Variants in DYNLT2 observed in about 807,000 individuals in gnomAD.
DYNLT2 encodes the protein dynein light chain Tctex-type protein 2.
A neutral mutation model predicts 24.3 loss-of-function variants in DYNLT2; 24 were observed. The observed-to-expected ratio is 0.99, with a 90% confidence interval of 0.71 to 1.39. The LOEUF (loss-of-function observed/expected upper bound fraction) is 1.39. Ranked by LOEUF, DYNLT2 falls within the 40% of genes most tolerant of loss-of-function variation. The pLI is 0.00. For missense variants in DYNLT2, 246 were observed against 234.5 expected (o/e 1.05, Z -0.32); for synonymous variants, 85 against 85.4 (o/e 1.00, Z 0.03).
chr6:169,743,245 G>A lies in DYNLT2; in HGVS notation c.328-7C>T. 1 of 1,423,484 alleles carries A rather than the reference G, an allele frequency of 7.0e-7. No homozygotes were observed. Among genetic ancestry groups the A allele is most frequent in the South Asian group, 1.7e-5 (1 of 58,188 alleles). 88.2% of individuals were successfully genotyped at this position (1,423,484 alleles called of 1,614,324 possible). Reference sequence around the variant, plus strand: ...TGACATCTTTAAGACTTTCCTTTAAGAAAATTTAAGAAAAATACTTTTATT... The same window carrying A: ...TGACATCTTTAAGACTTTCCTTTAAAAAAATTTAAGAAAAATACTTTTATT... On this transcript the variant is annotated splice_region_variant and splice_polypyrimidine_tract_variant and intron_variant, in intron 2 of 3. Transcript: ENST00000366774.
the DYNLT2 span, among the ~76,000 whole-genome samples, chr6:169,729,157 T>A: frequency 2.0e-5 from 3 of 152,210 alleles, no homozygotes; most frequent in Non-Finnish European, 4.4e-5. Context: ...CAGTCTTCAG[T>A]CAAAAGCAGG....
At chr6:169,744,830 T>G (rs1003911250) in intron 1 of DYNLT2, among the ~76,000 whole-genome samples, 1 of 152,236 alleles carries the variant, frequency 6.6e-6, no homozygotes. Context: ...ACATCCATTC[T>G]GTGACATCCA....
the DYNLT2 span, among the ~76,000 whole-genome samples, chr6:169,730,705 T>C: frequency 6.6e-6 from 1 of 152,164 alleles, no homozygotes; most frequent in Non-Finnish European, 1.5e-5. Flanking sequence ...GAGACCATCC[T>C]GGCTAACACA....
At chr6:169,736,439 C>A (rs1789564329), downstream of DYNLT2, among the ~76,000 whole-genome samples, 1 of 152,144 alleles carries the variant, frequency 6.6e-6, no homozygotes, top group African/African-American at 2.4e-5. Context: ...TGTGTTTTTG[C>A]AGTGGCTGCT....
intron 1 of DYNLT2, among the ~76,000 whole-genome samples, chr6:169,745,101 G>GT (rs939039835): frequency 4.5e-3 from 658 of 145,244 alleles, no homozygotes; most frequent in African/African-American, 5.6e-3. Flanking sequence ...TTTTTTGTTT[G>GT]TTTTTTTTTT....
chr6:169,746,710 C>T (rs1053455007), intron 1 of DYNLT2, among the ~76,000 whole-genome samples: 5 of 152,038 alleles, frequency 3.3e-5, no homozygotes, highest in Non-Finnish European at 7.4e-5. Flanking sequence ...GATAGCCAGA[C>T]ATGATTCACC....
downstream of DYNLT2, among the ~76,000 whole-genome samples, chr6:169,738,492 G>A (rs1467013959): frequency 2.6e-5 from 4 of 152,174 alleles, no homozygotes. Flanking sequence ...CCCTGGCTGG[G>A]TAGCACTCTT....
chr6:169,747,807 C>T (rs573161151), intron 1 of DYNLT2, among the ~76,000 whole-genome samples: 11 of 152,186 alleles, frequency 7.2e-5, no homozygotes, highest in African/African-American at 2.4e-4. Context: ...ACTTTATTTT[C>T]GTGCTTTTCT....
At chr6:169,747,709 TA>T (rs1789840168) in intron 1 of DYNLT2, among the ~76,000 whole-genome samples, 1 of 152,184 alleles carries the variant, frequency 6.6e-6, no homozygotes, top group South Asian at 2.1e-4. Flanking sequence ...CGAAAACTAA[TA>T]ACTCTCTTAA....
chr6:169,732,383 C>T, the DYNLT2 span, among the ~76,000 whole-genome samples: 1 of 152,116 alleles, frequency 6.6e-6, no homozygotes, highest in African/African-American at 2.4e-5. Context: ...CATAGGTATA[C>T]ATGTGCCGTG....
intron 3 of DYNLT2, among the ~76,000 whole-genome samples, chr6:169,742,007 C>A (rs1039214201): frequency 6.6e-6 from 1 of 152,124 alleles, no homozygotes; most frequent in African/African-American, 2.4e-5. Context: ...ATCATGCAGT[C>A]CACTCCTCTA....
At position 169,744,289 on chromosome 6, in the gene DYNLT2, G is replaced by C; in HGVS notation, c.121-15C>G. ...ATCTGTGTATACTGGAGGAGAAAGA[G>C]AGAGGGGAAGAGAGAAAGGCAGAAA... is the stretch of plus-strand genomic sequence containing the variant. On this transcript the variant is annotated splice_polypyrimidine_tract_variant and intron_variant, in intron 1 of 3. Transcript: ENST00000366774. 6.3e-7 allele frequency: 1 copy of C among 1,599,216 alleles called. No homozygotes were observed.
the DYNLT2 span, among the ~76,000 whole-genome samples, chr6:169,732,643 C>T: frequency 8.5e-5 from 13 of 152,272 alleles, no homozygotes; most frequent in South Asian, 8.3e-4. Context: ...CATAGTATAC[C>T]ATGGTGTATA....
chr6:169,739,718 A>T (rs1469159244), downstream of DYNLT2, among the ~76,000 whole-genome samples: 1 of 152,214 alleles, frequency 6.6e-6, no homozygotes, highest in African/African-American at 2.4e-5. Context: ...GAAATATAAT[A>T]ACATCTTTCT....
At chr6:169,729,277 A>G in the DYNLT2 span, among the ~76,000 whole-genome samples, 14 of 152,174 alleles carry the variant, frequency 9.2e-5, no homozygotes, top group African/African-American at 2.7e-4. Flanking sequence ...CTTTTTCTCT[A>G]TGGCTTCTAT....
At chr6:169,734,228 A>G in the DYNLT2 span, among the ~76,000 whole-genome samples, 1 of 152,208 alleles carries the variant, frequency 6.6e-6, no homozygotes, top group Admixed American at 6.5e-5. Context: ...GTCATCTGCA[A>G]ACAGAGACAA....
At chr6:169,726,483 A>G in the DYNLT2 span, among the ~76,000 whole-genome samples, 1 of 152,236 alleles carries the variant, frequency 6.6e-6, no homozygotes, top group Non-Finnish European at 1.5e-5. Context: ...AAATAGACAT[A>G]TTCAGGTACA....
chr6:169,729,314 C>T, the DYNLT2 span, among the ~76,000 whole-genome samples: 3 of 151,960 alleles, frequency 2.0e-5, 1 homozygote, highest in East Asian at 5.8e-4. Flanking sequence ...GCCGAGGTCT[C>T]ATCCTATCTT....
intron 1 of DYNLT2, among the ~76,000 whole-genome samples, chr6:169,749,263 G>A (rs893393719): frequency 3.9e-5 from 6 of 152,106 alleles, no homozygotes; most frequent in African/African-American, 1.2e-4. Context: ...ACCAAGCCCG[G>A]CTAATTTTTG....
Sources: allele counts gnomAD v4.1 joint callset (sites outside exome capture counted in the v4.1 genomes callset), GRCh38; gene constraint gnomAD v4.1.1; transcripts MANE v1.5; gene names NCBI Gene and HGNC (gene_info 2026-07-23, HGNC 2026-07-21).